The following CTNNA1 variants were observed in gnomAD, a reference collection of about 807,000 sequenced individuals.
The protein encoded by CTNNA1 is catenin alpha 1.
Under a neutral mutation model 98.4 loss-of-function variants are expected in CTNNA1, and 37 were observed. The ratio of observed to expected loss-of-function variants is 0.38; its 90% CI spans 0.29 to 0.49. The LOEUF is 0.49. CTNNA1 is among the 20% of genes least tolerant of loss of function. The pLI, the probability that CTNNA1 is intolerant of heterozygous loss-of-function variation, is 0.95. For missense variants in CTNNA1, 761 were observed against 1,147.2 expected, an observed-to-expected ratio of 0.66 and a Z score of 4.86; for synonymous variants, 404 against 413.2, an observed-to-expected ratio of 0.98 and a Z score of 0.27.
chr5:138,903,070 G>A (rs1387127152), intron 9 of CTNNA1, among the ~76,000 whole-genome samples: 3 of 152,126 alleles, frequency 2.0e-5, no homozygotes, highest in Non-Finnish European at 4.4e-5. Context: ...GGGAGTATAA[G>A]TGTTGCTTCT....
intron 5 of CTNNA1, among the ~76,000 whole-genome samples, chr5:138,820,718 T>A (rs1759947476): frequency 7.4e-6 from 1 of 135,928 alleles, no homozygotes; most frequent in Non-Finnish European, 1.6e-5. Flanking sequence ...AAAATGTAGT[T>A]GTTTAGTCGT....
intron 1 of CTNNA1, among the ~76,000 whole-genome samples, chr5:138,765,735 G>A (rs747396878): frequency 5.9e-5 from 9 of 151,818 alleles, no homozygotes; most frequent in Non-Finnish European, 1.0e-4. Flanking sequence ...TGGATCACGA[G>A]GTCAAGAGAT....
At chr5:138,769,956 C>T (rs1180229497) in intron 1 of CTNNA1, among the ~76,000 whole-genome samples, 2 of 152,064 alleles carry the variant, frequency 1.3e-5, no homozygotes, top group Non-Finnish European at 2.9e-5. Context: ...AAGCGATTCT[C>T]CTGCCTCAGC....
At chr5:138,872,049 TGTGTGTGTGTGTGTGTGTGC>T (rs1350864151) in intron 7 of CTNNA1, 136 of 137,572 alleles carry the variant, frequency 9.9e-4, no homozygotes, top group African/African-American at 3.7e-3. Flanking sequence ...TGTGTGTGTG[TGTGTGTGTGTGTGTGTGTGC>T]GCTTTTAAAT....
chr5:138,768,541 A>G (rs1030198217), intron 1 of CTNNA1, among the ~76,000 whole-genome samples: 1 of 147,556 alleles, frequency 6.8e-6, no homozygotes, highest in African/African-American at 2.5e-5. Context: ...GATTACAGGC[A>G]TGAGACAACG....
At chr5:138,853,244 G>A (rs754543134) in intron 7 of CTNNA1, among the ~76,000 whole-genome samples, 68 of 151,690 alleles carry the variant, frequency 4.5e-4, no homozygotes, top group Non-Finnish European at 8.1e-4. Flanking sequence ...CACTGCACCC[G>A]GCCTGCTCAT....
At chr5:138,832,871 A>G (rs191189045) in intron 7 of CTNNA1, among the ~76,000 whole-genome samples, 7 of 152,192 alleles carry the variant, frequency 4.6e-5, no homozygotes, top group Non-Finnish European at 8.8e-5. Flanking sequence ...GTGTGTTTTA[A>G]TGTTCTCTGA....
At chr5:138,884,964 C>A (rs549917880) in intron 7 of CTNNA1, among the ~76,000 whole-genome samples, 1 of 152,144 alleles carries the variant, frequency 6.6e-6, no homozygotes, top group Non-Finnish European at 1.5e-5. Flanking sequence ...GGGGGAAAGG[C>A]TTAAGGAATG....
At chr5:138,778,257 G>A (rs1398873921) in intron 1 of CTNNA1, among the ~76,000 whole-genome samples, 2 of 152,102 alleles carry the variant, frequency 1.3e-5, no homozygotes, top group African/African-American at 2.4e-5. Flanking sequence ...GCCTCCCAAA[G>A]TGCTGGGATT....
intron 5 of CTNNA1, among the ~76,000 whole-genome samples, chr5:138,821,200 G>C (rs998345841): frequency 1.3e-5 from 2 of 152,200 alleles, no homozygotes; most frequent in African/African-American, 4.8e-5. Context: ...TTCTTTGACT[G>C]TAAGTGTAAA....
At chr5:138,843,220 G>A (rs1024633960) in intron 7 of CTNNA1, among the ~76,000 whole-genome samples, 1 of 152,176 alleles carries the variant, frequency 6.6e-6, no homozygotes, top group Non-Finnish European at 1.5e-5. Flanking sequence ...AAACAAGAAA[G>A]CAGAAAGTTG....
At chr5:138,807,456 C>G (rs1325521940) in intron 3 of CTNNA1, among the ~76,000 whole-genome samples, 1 of 152,034 alleles carries the variant, frequency 6.6e-6, no homozygotes, top group Admixed American at 6.6e-5. Context: ...TTCATTTCTT[C>G]CCTAAACTAG....
intron 7 of CTNNA1, among the ~76,000 whole-genome samples, chr5:138,878,798 C>A (rs1752223551): frequency 6.6e-6 from 1 of 152,168 alleles, no homozygotes; most frequent in Non-Finnish European, 1.5e-5. Context: ...GCAAATGTTT[C>A]TTTCATCATA....
intron 1 of CTNNA1, among the ~76,000 whole-genome samples, chr5:138,776,622 C>T (rs890671858): frequency 3.3e-5 from 5 of 151,852 alleles, no homozygotes; most frequent in Admixed American, 2.0e-4. Flanking sequence ...TAGGAGCGGC[C>T]GGGCAGAGGC....
At chr5:138,832,604 A>G (rs192918369) in intron 7 of CTNNA1, among the ~76,000 whole-genome samples, 4 of 152,354 alleles carry the variant, frequency 2.6e-5, no homozygotes, top group Admixed American at 2.6e-4. Flanking sequence ...TGAAATTCAG[A>G]CATGTGCATT....
intron 7 of CTNNA1, among the ~76,000 whole-genome samples, chr5:138,877,293 T>G (rs1751812478): frequency 6.6e-6 from 1 of 152,196 alleles, no homozygotes; most frequent in African/African-American, 2.4e-5. Flanking sequence ...TCTTGTGAAA[T>G]TTTTTTGCTT....
chr5:138,852,594 CTTAACT>C (rs1481737072), intron 7 of CTNNA1, among the ~76,000 whole-genome samples: 1 of 151,948 alleles, frequency 6.6e-6, no homozygotes, highest in Non-Finnish European at 1.5e-5. Flanking sequence ...AGAAATTAGA[CTTAACT>C]TTAACATGTA....
intron 7 of CTNNA1, among the ~76,000 whole-genome samples, chr5:138,866,704 C>G (rs1027427078): frequency 6.6e-6 from 1 of 152,144 alleles, no homozygotes; most frequent in African/African-American, 2.4e-5. Flanking sequence ...CTTGATTGTA[C>G]TTGACTTTGG....
chr5:138,883,659 T>C (rs1753428301), intron 7 of CTNNA1, among the ~76,000 whole-genome samples: 1 of 152,236 alleles, frequency 6.6e-6, no homozygotes, highest in East Asian at 1.9e-4. Context: ...GAAGTCTACA[T>C]GCTCAACCTT....
Sources: allele counts gnomAD v4.1 joint callset (sites outside exome capture counted in the v4.1 genomes callset), GRCh38; gene constraint gnomAD v4.1.1; transcripts MANE v1.5; gene names NCBI Gene and HGNC (gene_info 2026-07-23, HGNC 2026-07-21).